The following SV2C variants were observed in gnomAD, a reference collection of about 807,000 sequenced individuals.
The protein encoded by SV2C is solute carrier family 22 member B3.
A neutral mutation model predicts 79.7 loss-of-function variants in SV2C; 49 were observed. The ratio of observed to expected loss-of-function variants is 0.61; its 90% CI spans 0.49 to 0.78. SV2C has a LOEUF of 0.78. Among genes scored for constraint, SV2C ranks in the 30% least tolerant of loss-of-function variants. The pLI is 0.00. For missense variants in SV2C, 833 were observed against 912.9 expected (o/e 0.91, Z 1.13); for synonymous variants, 334 against 333.2 (o/e 1.00, Z -0.03).
the SV2C span, among the ~76,000 whole-genome samples, chr5:76,062,238 G>A: frequency 0.023 from 3,430 of 152,138 alleles, 105 homozygotes; most frequent in African/African-American, 0.074. Flanking sequence ...GATTGCCAAT[G>A]TAACAATATT....
chr5:76,081,781 T>C (rs1369434598), upstream of SV2C, among the ~76,000 whole-genome samples: 1 of 152,268 alleles, frequency 6.6e-6, no homozygotes, highest in South Asian at 2.1e-4. Flanking sequence ...GTTGTCTCCA[T>C]TTTCTTCTCT....
intron 2 of SV2C, among the ~76,000 whole-genome samples, chr5:76,167,318 C>T (rs4371731): frequency 0.35 from 53,687 of 152,046 alleles, 9,655 homozygotes; most frequent in East Asian, 0.45. Flanking sequence ...AGTAGTGTGA[C>T]TCAGTTTCAC....
chr5:76,084,690 G>T (rs1747116306), intron 1 of SV2C, among the ~76,000 whole-genome samples: 1 of 151,454 alleles, frequency 6.6e-6, no homozygotes, highest in Non-Finnish European at 1.5e-5. Flanking sequence ...CCCGCGAGGG[G>T]CGGGCGGGGG....
chr5:76,324,209 C>T (rs1748914808), intron 12 of SV2C, among the ~76,000 whole-genome samples: 1 of 152,176 alleles, frequency 6.6e-6, no homozygotes, highest in South Asian at 2.1e-4. Flanking sequence ...ATCCTCCAAC[C>T]TCAGCCTCCC....
chr5:76,072,987 C>T, the SV2C span, among the ~76,000 whole-genome samples: 5 of 152,276 alleles, frequency 3.3e-5, no homozygotes, highest in African/African-American at 1.2e-4. Context: ...TTTGTAGATT[C>T]TGGATATTAG....
At chr5:76,353,841 C>G (rs1169775422) in exon 13 of SV2C, 1 of 152,216 alleles carries the variant, frequency 6.6e-6, no homozygotes, top group Non-Finnish European at 1.5e-5. Flanking sequence ...TAGCCCTCAT[C>G]ATCACCTGAC....
chr5:75,890,926 G>T, the SV2C span, among the ~76,000 whole-genome samples: 1 of 152,034 alleles, frequency 6.6e-6, no homozygotes, highest in Non-Finnish European at 1.5e-5. Context: ...TTGGCTGTAT[G>T]TTGATATTAG....
chr5:76,123,589 A>G (rs1247296258), intron 1 of SV2C, among the ~76,000 whole-genome samples: 2 of 152,240 alleles, frequency 1.3e-5, no homozygotes, highest in Admixed American at 1.3e-4. Flanking sequence ...AAATCAATAA[A>G]TGTAATCCAG....
chr5:76,120,610 A>G (rs1267501987), intron 1 of SV2C, among the ~76,000 whole-genome samples: 1 of 143,654 alleles, frequency 7.0e-6, no homozygotes, highest in African/African-American at 2.7e-5. Flanking sequence ...GAGTGAGAAC[A>G]TGCGGTGTTT....
chr5:76,254,894 T>C (rs1398218204), intron 4 of SV2C, among the ~76,000 whole-genome samples: 2 of 152,194 alleles, frequency 1.3e-5, no homozygotes, highest in Non-Finnish European at 2.9e-5. Flanking sequence ...ACAGGCATAT[T>C]GGCTGGGGTC....
rs145335227 is a variant in SV2C at position 76,222,073 on chromosome 5, G to A, written c.913+12186G>A. Among the ~76,000 whole-genome samples the A allele has an allele frequency of 3.3e-3, 508 of 152,308 alleles. 8 individuals are homozygous for A. Among genetic ancestry groups the A allele is most frequent in the African/African-American group, 0.012 (485 of 41,570 alleles). ...AAACAGCATCTCTCATGCATTGCTT[G>A]TGGAAATGAAAGATAGTTATGGACA... On this transcript the variant is annotated intron_variant, in intron 4 of 12. Coordinates refer to ENST00000502798, the MANE Select transcript of SV2C (RefSeq NM_014979.4).
chr5:75,896,351 C>A, the SV2C span, among the ~76,000 whole-genome samples: 1 of 151,780 alleles, frequency 6.6e-6, no homozygotes, highest in Admixed American at 6.6e-5. Context: ...ACTGAGAATG[C>A]TGATTTCCAA....
chr5:76,337,916 C>T (rs1245379444), downstream of SV2C, among the ~76,000 whole-genome samples: 2 of 152,210 alleles, frequency 1.3e-5, no homozygotes, highest in African/African-American at 4.8e-5. Flanking sequence ...ACAAAGCAGC[C>T]TTCTCTGTGA....
At chr5:76,007,725 C>T in the SV2C span, among the ~76,000 whole-genome samples, 3 of 152,156 alleles carry the variant, frequency 2.0e-5, no homozygotes, top group Non-Finnish European at 4.4e-5. Flanking sequence ...CAGTGATCAA[C>T]AGTCTCTGCT....
intron 2 of SV2C, among the ~76,000 whole-genome samples, chr5:76,165,443 G>A (rs1031029974): frequency 2.0e-5 from 3 of 151,962 alleles, no homozygotes; most frequent in Non-Finnish European, 2.9e-5. Context: ...TACAACCAGG[G>A]TCCAGATTGT....
the SV2C span, among the ~76,000 whole-genome samples, chr5:75,952,388 A>G: frequency 2.0e-5 from 3 of 150,474 alleles, no homozygotes; most frequent in Non-Finnish European, 4.4e-5. Context: ...TCAACATTCC[A>G]TCTTCTGCCA....
At chr5:76,034,891 G>A in the SV2C span, among the ~76,000 whole-genome samples, 1 of 152,148 alleles carries the variant, frequency 6.6e-6, no homozygotes, top group Non-Finnish European at 1.5e-5. Context: ...GACTGTTTCT[G>A]GTTGGTAAGC....
chr5:76,118,591 AG>A (rs1748364025), intron 1 of SV2C, among the ~76,000 whole-genome samples: 1 of 152,214 alleles, frequency 6.6e-6, no homozygotes, highest in African/African-American at 2.4e-5. Context: ...TTTCCAGTAT[AG>A]GTGAGAATCT....
At chr5:76,285,971 C>A in intron 6 of SV2C, 101 bp downstream of exon 6, 1 of 1,011,386 alleles carries the variant, frequency 9.9e-7, no homozygotes, top group Non-Finnish European at 1.5e-6. Flanking sequence ...GTCATACGGT[C>A]TTTGACACAG....
Sources: allele counts gnomAD v4.1 joint callset (sites outside exome capture counted in the v4.1 genomes callset), GRCh38; gene constraint gnomAD v4.1.1; transcripts MANE v1.5; gene names NCBI Gene and HGNC (gene_info 2026-07-23, HGNC 2026-07-21).